Variants in FNDC3A observed in about 807,000 individuals in gnomAD.
FNDC3A encodes fibronectin type-III domain-containing protein 3A.
In FNDC3A, 32 loss-of-function variants were observed where a neutral mutation model predicts 148.9. The ratio of observed to expected loss-of-function variants is 0.21; its 90% CI spans 0.16 to 0.29. FNDC3A has a LOEUF of 0.29. FNDC3A is among the 10% of genes least tolerant of loss of function. The pLI is 1.00. For synonymous variants in FNDC3A, 472 were observed against 473.6 expected, an observed-to-expected ratio of 1.00 and a Z score of 0.04; for missense variants, 1,191 against 1,452.8, an observed-to-expected ratio of 0.82 and a Z score of 2.93.
chr13:49,140,623 A>G (rs1000867975), intron 7 of FNDC3A, among the ~76,000 whole-genome samples: 3 of 152,194 alleles, frequency 2.0e-5, no homozygotes, highest in Admixed American at 2.0e-4. Context: ...CATTTAGAGC[A>G]CTAAATTAAA....
intron 3 of FNDC3A, among the ~76,000 whole-genome samples, chr13:49,101,194 TC>T (rs1879837028): frequency 6.6e-6 from 1 of 152,182 alleles, no homozygotes; most frequent in Admixed American, 6.5e-5. Context: ...TATTTCATTG[TC>T]AGTCACTCCC....
intron 3 of FNDC3A, among the ~76,000 whole-genome samples, chr13:49,113,334 CTCTTACACCCCCTT>C (rs1880706900): frequency 6.6e-6 from 1 of 151,766 alleles, no homozygotes; most frequent in Middle Eastern, 3.4e-3. Flanking sequence ...AGTAGTTTCC[CTCTTACACCCCCTT>C]TCTTTTGTAT....
intron 2 of FNDC3A, among the ~76,000 whole-genome samples, chr13:49,054,969 T>G (rs1215233092): frequency 6.6e-6 from 1 of 152,250 alleles, no homozygotes; most frequent in African/African-American, 2.4e-5. Flanking sequence ...TTACCTGAGA[T>G]ATCTTCATTT....
chr13:49,149,338 T>C (rs1350719126), intron 8 of FNDC3A, among the ~76,000 whole-genome samples: 1 of 152,180 alleles, frequency 6.6e-6, no homozygotes, highest in Non-Finnish European at 1.5e-5. Flanking sequence ...GCTATGGGTC[T>C]GTCATATGTG....
chr13:49,145,915 G>A lies in FNDC3A; in HGVS notation c.957G>A (p.Gly319=). 6.2e-7 allele frequency: 1 copy of A among 1,612,538 alleles called. No homozygotes were observed. The highest frequency in any genetic ancestry group is 8.5e-7 in the Non-Finnish European group (1 of 1,179,154). ...EVLISSTGKD[G]KYKSVYVGEE... ...TGATCTCAAGTACTGGAAAAGATGGGAAATACAAAAGTGTATATGTGTAGG... is the reference window on the plus strand; with the variant it reads ...TGATCTCAAGTACTGGAAAAGATGGAAAATACAAAAGTGTATATGTGTAGG... Residue 319 remains glycine (G), a synonymous_variant, in exon 8 of 26, where the codon GGG becomes GGA. Transcript: ENST00000492622.
chr13:48,989,506 C>T (rs559606356), intron 1 of FNDC3A, among the ~76,000 whole-genome samples: 1 of 152,258 alleles, frequency 6.6e-6, no homozygotes, highest in African/African-American at 2.4e-5. Context: ...CAAAGACATA[C>T]TACATTAATG....
At chr13:49,170,056 C>T (rs925110144) in intron 10 of FNDC3A, among the ~76,000 whole-genome samples, 1 of 152,094 alleles carries the variant, frequency 6.6e-6, no homozygotes, top group Non-Finnish European at 1.5e-5. Flanking sequence ...TTTGAAATGT[C>T]TGCCTTTAAC....
chr13:49,109,055 G>A (rs1880381343), intron 3 of FNDC3A, among the ~76,000 whole-genome samples: 1 of 152,062 alleles, frequency 6.6e-6, no homozygotes, highest in South Asian at 2.1e-4. Flanking sequence ...TCCTGCCTTT[G>A]CCTCGCTTTG....
At chr13:49,111,326 A>T (rs1330476389) in intron 3 of FNDC3A, among the ~76,000 whole-genome samples, 2 of 152,214 alleles carry the variant, frequency 1.3e-5, no homozygotes, top group Non-Finnish European at 2.9e-5. Flanking sequence ...AAACATCGAT[A>T]CTTGTATTTA....
intron 1 of FNDC3A, among the ~76,000 whole-genome samples, chr13:48,985,353 A>C (rs895381059): frequency 6.6e-6 from 1 of 152,208 alleles, no homozygotes; most frequent in African/African-American, 2.4e-5. Flanking sequence ...GTATCTATCC[A>C]TTTCAAATGT....
chr13:49,017,529 C>T (rs1022736534), intron 2 of FNDC3A, among the ~76,000 whole-genome samples: 2 of 152,172 alleles, frequency 1.3e-5, no homozygotes, highest in African/African-American at 2.4e-5. Flanking sequence ...GAATACAGCA[C>T]ACTGATGGGT....
intron 3 of FNDC3A, among the ~76,000 whole-genome samples, chr13:49,098,294 T>G (rs1879656299): frequency 6.6e-6 from 1 of 152,102 alleles, no homozygotes; most frequent in Non-Finnish European, 1.5e-5. Context: ...TTTCAGTCTG[T>G]GGCCTTAATG....
At chr13:49,026,154 C>T (rs1031817084) in intron 2 of FNDC3A, among the ~76,000 whole-genome samples, 1 of 151,966 alleles carries the variant, frequency 6.6e-6, no homozygotes, top group African/African-American at 2.4e-5. Flanking sequence ...AGTAAAATAG[C>T]AGGTTAGGGA....
chr13:49,190,280 A>G (rs1177915450), intron 17 of FNDC3A, among the ~76,000 whole-genome samples: 1 of 152,234 alleles, frequency 6.6e-6, no homozygotes, highest in Non-Finnish European at 1.5e-5. Context: ...TCAAATACCT[A>G]GAAAGATGCC....
At chr13:49,125,404 G>T (rs1052476001) in intron 4 of FNDC3A, among the ~76,000 whole-genome samples, 1 of 152,212 alleles carries the variant, frequency 6.6e-6, no homozygotes, top group Non-Finnish European at 1.5e-5. Context: ...TTTGTTAAAT[G>T]AATGGCCTAT....
intron 16 of FNDC3A, chr13:49,187,741 CTT>C: frequency 6.6e-6 from 6 of 902,358 alleles, no homozygotes; most frequent in South Asian, 1.7e-5. Context: ...TCACCAAGAC[CTT>C]TTTTTTTTCC....
chr13:49,166,260 G>A (rs892965892), intron 8 of FNDC3A, among the ~76,000 whole-genome samples: 5 of 152,204 alleles, frequency 3.3e-5, no homozygotes, highest in Admixed American at 1.3e-4. Flanking sequence ...CAGACAGGAA[G>A]TTTGTCCTTG....
intron 15 of FNDC3A, among the ~76,000 whole-genome samples, chr13:49,186,333 C>G (rs1437285926): frequency 6.6e-6 from 1 of 152,096 alleles, no homozygotes; most frequent in South Asian, 2.1e-4. Context: ...AGATAATGAG[C>G]AGGGGTAGCA....
intron 3 of FNDC3A, among the ~76,000 whole-genome samples, chr13:49,102,586 G>T (rs1879930906): frequency 6.6e-6 from 1 of 152,170 alleles, no homozygotes; most frequent in East Asian, 1.9e-4. Flanking sequence ...CTCATCCTCA[G>T]TGTTAGTGAC....
Sources: allele counts gnomAD v4.1 joint callset (sites outside exome capture counted in the v4.1 genomes callset), GRCh38; gene constraint gnomAD v4.1.1; transcripts MANE v1.5; gene names NCBI Gene and HGNC (gene_info 2026-07-23, HGNC 2026-07-21).